The following C6 variants were observed in gnomAD, a reference collection of about 807,000 sequenced individuals.
C6 encodes complement C6.
In C6, 101 loss-of-function variants were observed where a neutral mutation model predicts 112.9. The observed-to-expected ratio is 0.89, with a 90% CI of 0.76 to 1.06. The LOEUF is 1.06. Ranked by LOEUF, C6 falls within the 50% of genes least tolerant of loss-of-function variation. C6 has a pLI of 0.00. For missense variants in C6, 1,202 were observed against 1,104.6 expected, an observed-to-expected ratio of 1.09 and a Z score of -1.25; for synonymous variants, 431 against 384.1, an observed-to-expected ratio of 1.12 and a Z score of -1.43.
intron 5 of C6, among the ~76,000 whole-genome samples, chr5:41,189,123 A>C (rs1750002755): frequency 6.6e-6 from 1 of 152,104 alleles, no homozygotes; most frequent in Non-Finnish European, 1.5e-5. Context: ...AGATGAACAG[A>C]AACAGTTTTG....
chr5:41,191,660 T>C (rs918304442), intron 5 of C6, among the ~76,000 whole-genome samples: 13 of 152,172 alleles, frequency 8.5e-5, no homozygotes, highest in African/African-American at 2.2e-4. Context: ...AGGTATTTTT[T>C]TGTAGCTCTT....
chr5:41,203,007 T>C lies in C6; in HGVS notation c.143+81A>G, dbSNP rs1450299293. 13 of 1,290,432 alleles carry C rather than the reference T, an allele frequency of 1.0e-5. No individual in the cohort carries two copies. The Admixed American group carries it at 1.8e-4, about 18-fold the overall frequency. 79.9% of individuals were successfully genotyped at this position (1,290,432 alleles called of 1,614,324 possible). A position where few individuals can be genotyped will look rare whatever the true frequency, so the allele number is the denominator to read the frequency against. The stretch of plus-strand genomic sequence containing the variant: ...TTGATATATATATGTTCCCATTGCT[T>C]AGTGTTGCACTCCTGATGTTGCTGA... On this transcript the variant is annotated intron_variant, in intron 2 of 17. Transcript: ENST00000337836.
chr5:41,226,305 C>T (rs1434034916), intron 1 of C6, among the ~76,000 whole-genome samples: 1 of 152,160 alleles, frequency 6.6e-6, no homozygotes, highest in Non-Finnish European at 1.5e-5. Context: ...TATGAACAGA[C>T]ACTTCTCAAA....
Position 41,142,992 on chromosome 5 carries a change from A to C in C6, c.2638T>G (p.Cys880Gly). The C allele has an allele frequency of 6.2e-7, 1 of 1,613,374 alleles. No individual in the cohort carries two copies. The highest frequency in any genetic ancestry group is 8.5e-7 in the Non-Finnish European group (1 of 1,179,564). ...WEKCSASTSK[C>G]VCLLPPQCFK... ...CACTGTGGGGGCAATAGGCAGACAC[A>C]TTTGGAAGTGGAGGCTGTAATGAGA... Residue 880 changes from cysteine (C) to glycine (G), a missense_variant, in exon 18 of 18, where the codon TGT becomes GGT. Cys to Gly is a radical substitution (Grantham distance 159). Transcript: ENST00000337836.
intron 9 of C6, among the ~76,000 whole-genome samples, chr5:41,165,188 A>C (rs933135233): frequency 1.1e-4 from 16 of 152,064 alleles, no homozygotes; most frequent in African/African-American, 3.4e-4. Flanking sequence ...TAATTTGCTC[A>C]TTTTACTCTT....
chr5:41,256,073 A>AAC (rs1741679171), intron 1 of C6, among the ~76,000 whole-genome samples: 1 of 152,160 alleles, frequency 6.6e-6, no homozygotes, highest in Non-Finnish European at 1.5e-5. Flanking sequence ...TTTACTGAGA[A>AAC]TGATGGTTTC....
chr5:41,213,190 A>G (rs1227587675), intron 1 of C6, among the ~76,000 whole-genome samples, 186 bp downstream of exon 1: 1 of 152,188 alleles, frequency 6.6e-6, no homozygotes, highest in Non-Finnish European at 1.5e-5. Flanking sequence ...CTGGAATGAC[A>G]TTTGTTTAAA....
At chr5:41,170,475 A>G (rs148379066) in intron 9 of C6, among the ~76,000 whole-genome samples, 2 of 152,026 alleles carry the variant, frequency 1.3e-5, no homozygotes, top group Non-Finnish European at 2.9e-5. Context: ...TTCTTATTAA[A>G]TTATTTTACT....
At chr5:41,170,081 C>A (rs1236553203) in intron 9 of C6, among the ~76,000 whole-genome samples, 2 of 151,932 alleles carry the variant, frequency 1.3e-5, no homozygotes, top group East Asian at 1.9e-4. Context: ...AGAAAAAATT[C>A]TTCCTTTATT....
intron 7 of C6, 28 bp downstream of exon 7, chr5:41,181,331 A>G (rs1310742519): frequency 1.3e-6 from 2 of 1,593,640 alleles, no homozygotes; most frequent in African/African-American, 1.3e-5. Flanking sequence ...TCAAGAAAGA[A>G]TAAAAGGTTG....
intron 1 of C6, among the ~76,000 whole-genome samples, chr5:41,228,687 GT>G (rs983786135): frequency 6.6e-6 from 1 of 152,022 alleles, no homozygotes; most frequent in African/African-American, 2.4e-5. Flanking sequence ...TTTGACAAAT[GT>G]TTTTTCTGCA....
chr5:41,174,274 T>C (rs1467627129), intron 8 of C6, among the ~76,000 whole-genome samples: 1 of 152,178 alleles, frequency 6.6e-6, no homozygotes, highest in Non-Finnish European at 1.5e-5. Flanking sequence ...CCTCTATCTG[T>C]ATGAACTAAC....
In C6 at chr5:41,191,067, C is replaced by CTTTTTT. The variant is rs142519688; in HGVS notation, c.587+4719_587+4724dup. ...AAATGTAGTAGTGTGATGCCTTTGG[C>CTTTTTT]TTTTTTTTTTTTTTTTTTTTGCAGA... On this transcript the variant is annotated intron_variant, in intron 5 of 17. Transcript: ENST00000337836. Among the ~76,000 whole-genome samples the CTTTTTT allele has an allele frequency of 8.1e-3, 688 of 84,720 alleles. 75 individuals are homozygous for CTTTTTT. Among genetic ancestry groups the CTTTTTT allele is most frequent in the African/African-American group, 0.024 (480 of 20,070 alleles). 55.6% of individuals were successfully genotyped at this position (84,720 alleles called of 152,430 possible).
chr5:41,185,629 G>C lies in C6; in HGVS notation c.726+441C>G, dbSNP rs145885940. ...AAAAGTAAGCAGAACTATCTCATTAGACTGACTCATCATGATTTTTCTTAT... is the reference window on the plus strand; with the variant it reads ...AAAAGTAAGCAGAACTATCTCATTACACTGACTCATCATGATTTTTCTTAT... On this transcript the variant is annotated intron_variant, in intron 6 of 17. Transcript: ENST00000337836. 2.5e-4 allele frequency among the ~76,000 whole-genome samples: 38 copies of C among 152,142 alleles called. 1 individual carries two copies. The East Asian group carries it at 7.2e-3, about 29-fold the overall frequency.
In C6 at chr5:41,160,255, G is replaced by T. The variant is rs1324371906; in HGVS notation, c.1571C>A (p.Ala524Asp). 6.2e-7 allele frequency: 1 copy of T among 1,613,880 alleles called. No individual in the cohort carries two copies. Among genetic ancestry groups the T allele is most frequent in the Non-Finnish European group, 8.5e-7 (1 of 1,179,828 alleles). ...YAAKFDPCQC[A>D]PCPNNGRPTL... The stretch of plus-strand genomic sequence containing the variant: ...GGGTCGGCCATTATTAGGGCATGGA[G>T]CACACTGGCAAGGATCGAACTTGGC... The change falls in exon 11 of 18, where the codon GCT (alanine) becomes GAT (aspartate). Residue 524 changes from alanine to aspartate, a missense_variant. By Grantham distance (126) the Ala-to-Asp change is moderately radical (BLOSUM62 -2). Coordinates refer to ENST00000337836, the MANE Select transcript of C6 (RefSeq NM_000065.5).
Position 41,181,342 on chromosome 5 carries a change from G to A in C6, c.927+17C>T. 2.5e-6 allele frequency: 4 copies of A among 1,609,544 alleles called. No homozygotes were observed. Among genetic ancestry groups the A allele is most frequent in the Non-Finnish European group, 2.6e-6 (3 of 1,176,150 alleles). On this transcript the variant is annotated intron_variant, in intron 7 of 17. Coordinates refer to ENST00000337836, the MANE Select transcript of C6 (RefSeq NM_000065.5). Reference sequence around the variant, plus strand: ...ATTTTCAAGAAAGAATAAAAGGTTGGAAACCATTTTTGATACCTTTTTGTG... The same window carrying A: ...ATTTTCAAGAAAGAATAAAAGGTTGAAAACCATTTTTGATACCTTTTTGTG...
intron 1 of C6, among the ~76,000 whole-genome samples, chr5:41,222,658 A>G (rs191798375): frequency 1.3e-5 from 2 of 152,294 alleles, no homozygotes; most frequent in East Asian, 1.9e-4. Context: ...ATGAATCTCT[A>G]TATATTTACT....
intron 1 of C6, among the ~76,000 whole-genome samples, chr5:41,233,782 A>G (rs189188459): frequency 1.3e-5 from 2 of 152,198 alleles, no homozygotes; most frequent in East Asian, 3.9e-4. Context: ...CAAAATCCAA[A>G]TGAGACCTGA....
chr5:41,161,354 T>G (rs1229711213), intron 10 of C6, among the ~76,000 whole-genome samples: 1 of 151,550 alleles, frequency 6.6e-6, no homozygotes, highest in African/African-American at 2.4e-5. Flanking sequence ...AAATAAGGAG[T>G]TGCAAGAAGA....
Sources: gnomAD v4.1 joint callset for allele counts (sites outside exome capture counted in the v4.1 genomes callset) on GRCh38, gnomAD v4.1.1 for gene constraint, MANE v1.5 for transcripts, NCBI Gene and HGNC (gene_info 2026-07-23, HGNC 2026-07-21) for gene names.